The following RHEB variants were observed in gnomAD, a reference collection of about 807,000 sequenced individuals.
The protein encoded by RHEB is Ras homolog, mTORC1 binding.
Under a neutral mutation model 28.8 loss-of-function variants are expected in RHEB, and 2 were observed. The ratio of observed to expected loss-of-function variants is 0.07; its 90% confidence interval spans 0.03 to 0.22. The LOEUF (loss-of-function observed/expected upper bound fraction) is 0.22, where lower values mean the gene tolerates loss of function less well. Among genes scored for constraint, RHEB ranks in the 10% least tolerant of loss-of-function variants. The probability of loss-of-function intolerance (pLI) is 1.00; values close to 1 mark genes in which losing one functional copy is unlikely to be tolerated. For missense variants in RHEB, 76 were observed against 219.9 expected (o/e 0.35, Z 4.14); for synonymous variants, 69 against 77.3 (o/e 0.89, Z 0.56).
chr7:151,506,484 G>A (rs1802882345), intron 1 of RHEB, among the ~76,000 whole-genome samples: 1 of 152,024 alleles, frequency 6.6e-6, no homozygotes, highest in Non-Finnish European at 1.5e-5. Context: ...GCTTTGTGAG[G>A]ATTAAATGAA....
chr7:151,494,601 T>C lies in RHEB; in HGVS notation c.53-3587A>G, dbSNP rs1436603078. On this transcript the variant is annotated intron_variant, in intron 1 of 7. Coordinates refer to ENST00000262187, the MANE Select transcript of RHEB (RefSeq NM_005614.4). ...CACATCGCAGGTTGACAGCCAACTG[T>C]TGTTTTCATGAATAGTAAACTGGGA... Among the ~76,000 whole-genome samples, 3 of 152,252 alleles carry C rather than the reference T, an allele frequency of 2.0e-5. No individual in the cohort carries two copies. The East Asian group carries it at 5.8e-4, about 29-fold the overall frequency.
At chr7:151,488,516 T>C (rs1453989943) in intron 2 of RHEB, among the ~76,000 whole-genome samples, 4 of 152,266 alleles carry the variant, frequency 2.6e-5, no homozygotes, top group African/African-American at 9.6e-5. Context: ...TTCTTTCTAA[T>C]TCATTGTTAT....
At chr7:151,481,625 T>A (rs1802383055) in intron 3 of RHEB, among the ~76,000 whole-genome samples, 1 of 152,262 alleles carries the variant, frequency 6.6e-6, no homozygotes, top group Non-Finnish European at 1.5e-5. Flanking sequence ...GCCACCATCC[T>A]GAGCTGTAAA....
intron 6 of RHEB, among the ~76,000 whole-genome samples, chr7:151,471,103 A>G (rs944710226): frequency 6.6e-6 from 1 of 152,174 alleles, no homozygotes; most frequent in African/African-American, 2.4e-5. Context: ...GTAATCCCAA[A>G]CCCTGGTACT....
At chr7:151,499,710 T>C (rs1319252240) in intron 1 of RHEB, among the ~76,000 whole-genome samples, 1 of 152,222 alleles carries the variant, frequency 6.6e-6, no homozygotes, top group Admixed American at 6.5e-5. Context: ...GAAGAGTTAG[T>C]ATAAAATACC....
chr7:151,484,491 G>A (rs1286517361), intron 3 of RHEB, among the ~76,000 whole-genome samples: 3 of 152,120 alleles, frequency 2.0e-5, no homozygotes, highest in South Asian at 2.1e-4. Context: ...GGGTTACATC[G>A]TGATAAACCT....
chr7:151,516,435 C>G (rs1288260747), intron 1 of RHEB, among the ~76,000 whole-genome samples: 3 of 151,750 alleles, frequency 2.0e-5, no homozygotes, highest in Non-Finnish European at 4.4e-5. Context: ...CCATCCTGGC[C>G]AAGATGGTGA....
chr7:151,487,995 T>C (rs1802512520), intron 2 of RHEB, among the ~76,000 whole-genome samples: 3 of 152,226 alleles, frequency 2.0e-5, no homozygotes, highest in Admixed American at 2.0e-4. Context: ...CAGGACGCAG[T>C]GCCTTGAGAA....
chr7:151,492,002 G>A (rs897444867), intron 1 of RHEB, among the ~76,000 whole-genome samples: 8 of 152,118 alleles, frequency 5.3e-5, no homozygotes, highest in South Asian at 2.1e-4. Context: ...TGAAGAAATC[G>A]CATGAGATGC....
intron 3 of RHEB, among the ~76,000 whole-genome samples, chr7:151,479,058 A>C (rs924144846): frequency 1.4e-4 from 22 of 152,228 alleles, no homozygotes; most frequent in African/African-American, 5.1e-4. Context: ...TAACAATATA[A>C]TAGCAATTGG....
intron 1 of RHEB, among the ~76,000 whole-genome samples, chr7:151,517,277 A>G (rs1376914128): frequency 2.0e-5 from 3 of 151,338 alleles, no homozygotes. Context: ...CTGAGGCAGG[A>G]GAATCGCTTG....
At chr7:151,500,623 C>T (rs1224675966) in intron 1 of RHEB, among the ~76,000 whole-genome samples, 1 of 152,112 alleles carries the variant, frequency 6.6e-6, no homozygotes, top group Non-Finnish European at 1.5e-5. Context: ...GTGCGAAGAT[C>T]GCTTGAGGTC....
chr7:151,492,769 T>C (rs189489277), intron 1 of RHEB, among the ~76,000 whole-genome samples: 5 of 152,126 alleles, frequency 3.3e-5, no homozygotes, highest in African/African-American at 4.8e-5. Context: ...GCAACCTACA[T>C]GAGCATTTGA....
At chr7:151,499,912 G>T (rs1563098678) in intron 1 of RHEB, among the ~76,000 whole-genome samples, 1 of 152,168 alleles carries the variant, frequency 6.6e-6, no homozygotes, top group Non-Finnish European at 1.5e-5. Flanking sequence ...GGGCTGAAGG[G>T]ATCCTCTTGT....
chr7:151,508,821 A>G (rs1802933625), intron 1 of RHEB, among the ~76,000 whole-genome samples: 3 of 151,818 alleles, frequency 2.0e-5, no homozygotes, highest in African/African-American at 7.3e-5. Context: ...GCTGCTCTGT[A>G]CCCTTGTTTA....
At chr7:151,498,179 A>C (rs1056847268) in intron 1 of RHEB, 81 of 1,288,622 alleles carry the variant, frequency 6.3e-5, no homozygotes, top group Admixed American at 1.1e-4. Flanking sequence ...GGCTTGAGGA[A>C]CCTTCAAGGA....
rs533789832 is a variant in RHEB, at chr7:151,510,876, C to T, written c.52+8584G>A. On this transcript the variant is annotated intron_variant, in intron 1 of 7. Transcript: ENST00000262187. The stretch of plus-strand genomic sequence containing the variant: ...GCTGGATCGCTTGAGTCCAGGACTT[C>T]GAGACCAGTCGAGGCAACAAGTAAG... Among the ~76,000 whole-genome samples the T allele has an allele frequency of 5.3e-5, 8 of 151,990 alleles. No homozygotes were observed. In the South Asian group the frequency reaches 6.2e-4, roughly 12 times the overall value.
intron 1 of RHEB, among the ~76,000 whole-genome samples, chr7:151,497,938 C>T (rs993844272): frequency 1.3e-5 from 2 of 152,188 alleles, no homozygotes; most frequent in East Asian, 1.9e-4. Flanking sequence ...AAAAATCCAA[C>T]GGGGCATATT....
At position 151,519,447 on chromosome 7, in the gene RHEB, A is replaced by G; in HGVS notation, c.52+13T>C. 6.9e-7 allele frequency: 1 copy of G among 1,439,246 alleles called. No individual in the cohort carries two copies. The allele number at this position is 1,439,246 out of a possible 1,614,324, so 89.2% of individuals were successfully genotyped here. ...GGCGGCGCGAGGAGGCCGCGCGGCC[A>G]CCGGCCACTCACCCACAGACCGGTA... On this transcript the variant is annotated intron_variant, in intron 1 of 7. Coordinates refer to ENST00000262187, the MANE Select transcript of RHEB (RefSeq NM_005614.4).
Sources: allele counts gnomAD v4.1 joint callset (sites outside exome capture counted in the v4.1 genomes callset), GRCh38; gene constraint gnomAD v4.1.1; transcripts MANE v1.5; gene names NCBI Gene and HGNC (gene_info 2026-07-23, HGNC 2026-07-21).